Variants in HK1 observed in about 807,000 individuals in gnomAD.
The protein encoded by HK1 is hexokinase 1, also known as hexokinase-1.
Under a neutral mutation model 91.6 loss-of-function variants are expected in HK1, and 28 were observed. The ratio of observed to expected loss-of-function variants is 0.31; its 90% CI spans 0.23 to 0.42. The LOEUF (loss-of-function observed/expected upper bound fraction) is 0.42, where lower values mean the gene tolerates loss of function less well. HK1 is among the 10% of genes least tolerant of loss of function. The pLI is 1.00. For missense variants in HK1, 770 were observed against 1,219.8 expected, an observed-to-expected ratio of 0.63 and a Z score of 5.49; for synonymous variants, 430 against 468.1, an observed-to-expected ratio of 0.92 and a Z score of 1.05.
intron 4 of HK1, chr10:69,295,705 T>G (rs369759035): frequency 7.1e-7 from 1 of 1,409,288 alleles, no homozygotes; most frequent in Non-Finnish European, 1.0e-6. Context: ...TTTTTTTTTA[T>G]TTCCTTCTGT....
At chr10:69,280,308 A>G (rs1012412310) in intron 1 of HK1, among the ~76,000 whole-genome samples, 2 of 152,198 alleles carry the variant, frequency 1.3e-5, no homozygotes, top group Non-Finnish European at 2.9e-5. Context: ...TAGTAGAGAC[A>G]GGGTTTCACT....
intron 2 of HK1, among the ~76,000 whole-genome samples, chr10:69,345,738 G>A (rs1848517427): frequency 1.3e-5 from 2 of 152,132 alleles, no homozygotes; most frequent in South Asian, 4.1e-4. Flanking sequence ...GTGTCCCAGG[G>A]ACCTATGTCA....
chr10:69,358,898 T>C (rs1589536027), intron 2 of HK1, among the ~76,000 whole-genome samples: 1 of 151,126 alleles, frequency 6.6e-6, no homozygotes, highest in African/African-American at 2.4e-5. Flanking sequence ...GAAATTCTAT[T>C]GGGGGCAGGG....
At chr10:69,326,408 A>G (rs1010190984) in intron 1 of HK1, among the ~76,000 whole-genome samples, 1 of 152,164 alleles carries the variant, frequency 6.6e-6, no homozygotes, top group African/African-American at 2.4e-5. Flanking sequence ...TGTTGCAGAC[A>G]GAAGGCAAGC....
chr10:69,400,937 G>A (rs1840358236), intron 17 of HK1, 54 bp from the exon 18 acceptor site: 1 of 1,604,104 alleles, frequency 6.2e-7, no homozygotes, highest in East Asian at 2.2e-5. Flanking sequence ...TTTCGGGTAG[G>A]CCCAGCGTCT....
At chr10:69,368,485 G>C in intron 4 of HK1, 51 bp from the exon 5 acceptor site, 1 of 1,495,700 alleles carries the variant, frequency 6.7e-7, no homozygotes, top group Non-Finnish European at 9.3e-7. Flanking sequence ...GGGCCTTGGG[G>C]TGCTGGAGGC....
intron 1 of HK1, among the ~76,000 whole-genome samples, chr10:69,276,118 A>AAAAAAAAAAAAT: frequency 2.6e-5 from 1 of 38,262 alleles, no homozygotes; most frequent in African/African-American, 7.5e-5. Context: ...AAAAAAAAAA[A>AAAAAAAAAAAAT]ATACATATAT....
chr10:69,313,752 C>T (rs1017718772), upstream of HK1, among the ~76,000 whole-genome samples: 6 of 152,126 alleles, frequency 3.9e-5, no homozygotes, highest in African/African-American at 1.4e-4. Context: ...GCCTCAGCCT[C>T]CCAAAGTGCT....
chr10:69,379,454 A>G (rs1839276151), intron 8 of HK1, among the ~76,000 whole-genome samples: 1 of 152,216 alleles, frequency 6.6e-6, no homozygotes, highest in Admixed American at 6.5e-5. Context: ...GTGTACAGAA[A>G]ATTACAATTT....
intron 1 of HK1, among the ~76,000 whole-genome samples, chr10:69,321,452 A>C (rs1379008701): frequency 6.6e-6 from 1 of 151,962 alleles, no homozygotes; most frequent in Non-Finnish European, 1.5e-5. Context: ...GTGGGGCTGG[A>C]CTCTGCCTGC....
Position 69,325,651 on chromosome 10 carries a change from C to G in HK1, c.63+6641C>G, listed in dbSNP as rs1212043964. On this transcript the variant is annotated intron_variant, in intron 1 of 17. Transcript: ENST00000359426. ...AGTGATACTTCTGCCTCAGTGCCCC[C>G]CCCTGCCCCCCAGTAGCTGGGATTA... Among the ~76,000 whole-genome samples the G allele has an allele frequency of 3.3e-5, 5 of 151,854 alleles. 1 individual carries two copies. The South Asian group carries it at 8.3e-4, about 25-fold the overall frequency.
At chr10:69,379,054 G>C (rs1445230897) in intron 8 of HK1, among the ~76,000 whole-genome samples, 8 of 152,094 alleles carry the variant, frequency 5.3e-5, no homozygotes, top group African/African-American at 1.9e-4. Context: ...GTATTTGATT[G>C]CACATACAGA....
chr10:69,324,586 A>G (rs1416888806), intron 1 of HK1, among the ~76,000 whole-genome samples: 2 of 152,202 alleles, frequency 1.3e-5, no homozygotes, highest in Non-Finnish European at 2.9e-5. Flanking sequence ...CTAAACAAAA[A>G]TAATAATTAA....
chr10:69,340,663 G>T (rs879473544), intron 1 of HK1, among the ~76,000 whole-genome samples: 6 of 152,180 alleles, frequency 3.9e-5, no homozygotes, highest in Admixed American at 2.6e-4. Context: ...AAAGTGCCAG[G>T]ATTACAGGCA....
At chr10:69,285,555 T>C (rs1844989369) in intron 2 of HK1, among the ~76,000 whole-genome samples, 1 of 152,152 alleles carries the variant, frequency 6.6e-6, no homozygotes, top group Non-Finnish European at 1.5e-5. Context: ...CTCAAGTAAA[T>C]GACACAATAA....
intron 3 of HK1, among the ~76,000 whole-genome samples, chr10:69,361,585 G>T (rs1169425382): frequency 6.6e-6 from 1 of 152,216 alleles, no homozygotes; most frequent in African/African-American, 2.4e-5. Flanking sequence ...TTCCCTGTGT[G>T]TTTTGGCTTG....
chr10:69,306,812 A>G (rs1846129713), intron 5 of HK1, among the ~76,000 whole-genome samples: 1 of 152,204 alleles, frequency 6.6e-6, no homozygotes, highest in African/African-American at 2.4e-5. Flanking sequence ...CTGGGAAGAT[A>G]TGTGGCCTAC....
upstream of HK1, among the ~76,000 whole-genome samples, chr10:69,313,731 A>T (rs1270091798): frequency 6.6e-6 from 1 of 152,012 alleles, no homozygotes; most frequent in Non-Finnish European, 1.5e-5. Context: ...TCCCGACCAG[A>T]TGATCCGTCT....
intron 10 of HK1, among the ~76,000 whole-genome samples, chr10:69,383,638 G>A (rs1410921198): frequency 6.6e-6 from 1 of 152,242 alleles, no homozygotes; most frequent in Non-Finnish European, 1.5e-5. Flanking sequence ...CCTCATTCCT[G>A]CATCTGCAGT....
Sources: gnomAD v4.1 joint callset for allele counts (sites outside exome capture counted in the v4.1 genomes callset) on GRCh38, gnomAD v4.1.1 for gene constraint, MANE v1.5 for transcripts, NCBI Gene and HGNC (gene_info 2026-07-23, HGNC 2026-07-21) for gene names.